The following TOLLIP variants were observed in gnomAD, a reference collection of about 807,000 sequenced individuals.
TOLLIP encodes toll interacting protein.
A neutral mutation model predicts 33.5 loss-of-function variants in TOLLIP; 16 were observed. That is an observed-to-expected ratio of 0.48 (90% CI 0.32 to 0.72). TOLLIP has a LOEUF of 0.72. Ranked by LOEUF, TOLLIP falls within the 30% of genes least tolerant of loss-of-function variation. The probability of loss-of-function intolerance (pLI) is 0.03; values close to 1 mark genes in which losing one functional copy is unlikely to be tolerated. For missense variants in TOLLIP, 325 were observed against 396.6 expected (o/e 0.82, Z 1.53); for synonymous variants, 176 against 163.7 (o/e 1.07, Z -0.57).
intron 5 of TOLLIP, among the ~76,000 whole-genome samples, chr11:1,285,730 A>G (rs926251390): frequency 9.2e-5 from 14 of 151,674 alleles, no homozygotes; most frequent in Admixed American, 7.9e-4. Flanking sequence ...ACATTTCCAC[A>G]TCTCTGAAAA....
At position 1,290,595 on chromosome 11, in the gene TOLLIP, C is replaced by A. The variant is rs1192600204; in HGVS notation, c.184-186G>T. On this transcript the variant is annotated intron_variant, in intron 2 of 5. Transcript: ENST00000317204. The surrounding 1 kb of genome is among the most constrained non-coding windows in gnomAD (Gnocchi z 4.9). The stretch of plus-strand genomic sequence containing the variant: ...GGAGGCCAGGAGCAAGAAGAGTGAG[C>A]CACAGATGGATCGTGCAGTTCTGAG... 6.6e-6 allele frequency among the ~76,000 whole-genome samples: 1 copy of A among 152,178 alleles called. No individual in the cohort carries two copies.
chr11:1,300,724 C>T (rs995726988), intron 1 of TOLLIP, among the ~76,000 whole-genome samples: 2 of 152,220 alleles, frequency 1.3e-5, no homozygotes, highest in South Asian at 2.1e-4. Context: ...CAGCCCAGGA[C>T]GTGGAGTCCT....
intron 4 of TOLLIP, 52 bp downstream of exon 4, chr11:1,288,572 C>T (rs1001615998): frequency 2.8e-5 from 43 of 1,560,160 alleles, no homozygotes; most frequent in Middle Eastern, 1.8e-4. Flanking sequence ...ATAGCCCCGA[C>T]GTGCTCCAAC....
Position 1,277,329 on chromosome 11 carries a change from A to G in TOLLIP, c.611-76T>C. The G allele has an allele frequency of 1.6e-6, 2 of 1,232,286 alleles. No homozygotes were observed. The highest frequency in any genetic ancestry group is 1.5e-5 in the African/African-American group (1 of 66,272). 76.3% of individuals were successfully genotyped at this position (1,232,286 alleles called of 1,614,324 possible). ...CCACACTAGCTCCTGCTGAAGGAAG[A>G]AAACAACGCATCCCACCGGCCTCCC... On this transcript the variant is annotated intron_variant, in intron 5 of 5. Coordinates refer to ENST00000317204, the MANE Select transcript of TOLLIP (RefSeq NM_019009.4). This position sits in a 1 kb window ranked among gnomAD's most constrained non-coding sequence, Gnocchi z 4.2.
intron 5 of TOLLIP, among the ~76,000 whole-genome samples, chr11:1,281,732 C>T (rs773864199): frequency 6.6e-6 from 1 of 152,270 alleles, no homozygotes; most frequent in South Asian, 2.1e-4. Context: ...GCCAGCACCG[C>T]GTAGCCAGGC....
rs796087440 is a variant in TOLLIP, at chr11:1,290,786, A to G, written c.184-377T>C. 154 of 203,164 alleles carry G rather than the reference A, an allele frequency of 7.6e-4. 3 individuals carry two copies. Among genetic ancestry groups the G allele is most frequent in the African/African-American group, 3.3e-3 (144 of 43,590 alleles). 12.6% of individuals were successfully genotyped at this position (203,164 alleles called of 1,614,324 possible). A position where few individuals can be genotyped will look rare whatever the true frequency, so the allele number is the denominator to read the frequency against. On this transcript the variant is annotated intron_variant, in intron 2 of 5. Transcript: ENST00000317204. The surrounding 1 kb of genome is among the most constrained non-coding windows in gnomAD (Gnocchi z 4.9). ...CCGGGACAGAGCTGAGAGCCAGAGCATGACATGGAGTGTGAACCTGCCCCC... is the reference window on the plus strand; with the variant it reads ...CCGGGACAGAGCTGAGAGCCAGAGCGTGACATGGAGTGTGAACCTGCCCCC...
At chr11:1,286,374 G>A (rs994205926) in intron 4 of TOLLIP, among the ~76,000 whole-genome samples, 1 of 152,218 alleles carries the variant, frequency 6.6e-6, no homozygotes, top group African/African-American at 2.4e-5. Flanking sequence ...TGACAGGAGG[G>A]ACATCCCAGT....
At chr11:1,300,550 T>C (rs1590227652) in intron 1 of TOLLIP, among the ~76,000 whole-genome samples, 1 of 152,376 alleles carries the variant, frequency 6.6e-6, no homozygotes, top group African/African-American at 2.4e-5. Flanking sequence ...AAACACCCAC[T>C]GTGAATATTC....
chr11:1,286,159 G>A (rs558851364), intron 4 of TOLLIP, 67 bp from the exon 5 acceptor site: 19 of 1,291,296 alleles, frequency 1.5e-5, no homozygotes, highest in African/African-American at 8.8e-5. Flanking sequence ...CTCGGGAATC[G>A]CCCTCCCCAC....
intron 1 of TOLLIP, among the ~76,000 whole-genome samples, chr11:1,304,844 C>G (rs1382997910): frequency 6.6e-6 from 1 of 152,132 alleles, no homozygotes; most frequent in Admixed American, 6.5e-5. Context: ...CCAAAGAAAA[C>G]ATGTAAAAAA....
chr11:1,281,048 G>A (rs754681451), intron 5 of TOLLIP, among the ~76,000 whole-genome samples: 2 of 152,234 alleles, frequency 1.3e-5, no homozygotes, highest in Non-Finnish European at 2.9e-5. Context: ...ATGAGGCCAC[G>A]CGGTCTCCAG....
At chr11:1,304,023 G>A (rs1210541845) in intron 1 of TOLLIP, among the ~76,000 whole-genome samples, 1 of 146,586 alleles carries the variant, frequency 6.8e-6, no homozygotes, top group African/African-American at 2.6e-5. Context: ...GCTACAGAGC[G>A]AGCCTCCATG....
chr11:1,283,714 A>G (rs1011739167), intron 5 of TOLLIP: 59 of 387,100 alleles, frequency 1.5e-4, no homozygotes, highest in Non-Finnish European at 5.1e-5. Flanking sequence ...AGGTAAGCCA[A>G]TCAATGTTAT....
Position 1,278,727 on chromosome 11 carries a change from TGC to T in TOLLIP, c.611-1476_611-1475del, listed in dbSNP as rs1863391305. Among the ~76,000 whole-genome samples, 9 of 152,336 alleles carry T rather than the reference TGC, an allele frequency of 5.9e-5. No homozygotes were observed. The South Asian group carries it at 1.9e-3, about 32-fold the overall frequency. On this transcript the variant is annotated intron_variant, in intron 5 of 5. Transcript: ENST00000317204. The surrounding 1 kb of genome is among the most constrained non-coding windows in gnomAD (Gnocchi z 4.7). ...CCTCACTGGGGAAGCATCATCCCCATGCTCATCAGCCTTTCGGCAATGACGGA... is the reference window on the plus strand; with the variant it reads ...CCTCACTGGGGAAGCATCATCCCCATTCATCAGCCTTTCGGCAATGACGGA...
At position 1,290,311 on chromosome 11, in the gene TOLLIP, G is replaced by A. The variant is rs141565986; in HGVS notation, c.282C>T (p.Gly94=). 3.5e-4 allele frequency: 568 copies of A among 1,613,634 alleles called. No homozygotes were observed. The Middle Eastern group carries it at 4.0e-3, about 11-fold the overall frequency. ...AVYETPTAHN[G]AKNPRWNKVI... ...CCTTATTCCAGCGGGGATTCTTGGC[G>A]CCATTGTGTGCCGTGGGCGTCTCGT... is the stretch of plus-strand genomic sequence containing the variant. Residue 94 remains glycine, a synonymous_variant, in exon 3 of 6, where the codon GGC becomes GGT. Coordinates refer to ENST00000317204, the MANE Select transcript of TOLLIP (RefSeq NM_019009.4). This position sits in a 1 kb window ranked among gnomAD's most constrained non-coding sequence, Gnocchi z 4.9.
At chr11:1,300,788 C>T (rs1203257075) in intron 1 of TOLLIP, among the ~76,000 whole-genome samples, 2 of 152,226 alleles carry the variant, frequency 1.3e-5, no homozygotes, top group East Asian at 1.9e-4. Context: ...CCCAAGGAGC[C>T]GCACCACAGT....
chr11:1,301,191 T>G (rs1246380212), intron 1 of TOLLIP, among the ~76,000 whole-genome samples: 1 of 152,254 alleles, frequency 6.6e-6, no homozygotes, highest in African/African-American at 2.4e-5. Context: ...AAAAATATCC[T>G]TAGTGAACTG....
chr11:1,284,099 C>T (rs545665092), intron 5 of TOLLIP, among the ~76,000 whole-genome samples: 4 of 152,316 alleles, frequency 2.6e-5, no homozygotes, highest in East Asian at 3.9e-4. Flanking sequence ...GCAGCCAGGG[C>T]GCATCAGGGC....
intron 1 of TOLLIP, among the ~76,000 whole-genome samples, chr11:1,301,199 C>T (rs147866259): frequency 1.3e-5 from 2 of 152,346 alleles, no homozygotes; most frequent in African/African-American, 4.8e-5. Flanking sequence ...CCTTAGTGAA[C>T]TGAAGCTTTT....
Sources: allele counts gnomAD v4.1 joint callset (sites outside exome capture counted in the v4.1 genomes callset), GRCh38; gene constraint gnomAD v4.1.1; non-coding constraint Gnocchi (gnomAD v3.1); transcripts MANE v1.5; gene names NCBI Gene and HGNC (gene_info 2026-07-23, HGNC 2026-07-21).